The following GREM2 variants were observed in gnomAD, a reference collection of about 807,000 sequenced individuals.
The protein encoded by GREM2 is gremlin 2, DAN family BMP antagonist, also known as gremlin-2.
In GREM2, 11 loss-of-function variants were observed where a neutral mutation model predicts 14.2. The ratio of observed to expected loss-of-function variants is 0.78; its 90% CI spans 0.49 to 1.28. GREM2 has a LOEUF of 1.28. Among genes scored for constraint, GREM2 ranks in the 50% most tolerant of loss-of-function variants. GREM2 has a pLI of 0.00. For synonymous variants in GREM2, 98 were observed against 97.6 expected (o/e 1.00, Z -0.02); for missense variants, 210 against 218.5 (o/e 0.96, Z 0.24).
chr1:240,605,400 G>T (rs188558273), intron 1 of GREM2, among the ~76,000 whole-genome samples: 1 of 152,058 alleles, frequency 6.6e-6, no homozygotes, highest in African/African-American at 2.4e-5. Context: ...TCACTTGAAC[G>T]TGAGAGGTTG....
At chr1:240,572,000 T>C (rs61832603) in intron 1 of GREM2, among the ~76,000 whole-genome samples, 2,020 of 152,212 alleles carry the variant, frequency 0.013, 24 homozygotes, top group Middle Eastern at 0.051. Flanking sequence ...ATTGGCCAAT[T>C]CCAGCAGGGA....
chr1:240,578,974 A>G (rs1679427089), intron 1 of GREM2, among the ~76,000 whole-genome samples: 1 of 152,106 alleles, frequency 6.6e-6, no homozygotes, highest in Non-Finnish European at 1.5e-5. Flanking sequence ...TTGAAAGGAA[A>G]ACACCTTCAC....
At chr1:240,602,624 C>T (rs1679946085) in intron 1 of GREM2, among the ~76,000 whole-genome samples, 1 of 151,956 alleles carries the variant, frequency 6.6e-6, no homozygotes, top group Admixed American at 6.6e-5. Flanking sequence ...CAAGACCATC[C>T]TGGCCAACAT....
chr1:240,574,202 G>A (rs1679313591), intron 1 of GREM2, among the ~76,000 whole-genome samples: 1 of 152,106 alleles, frequency 6.6e-6, no homozygotes, highest in Non-Finnish European at 1.5e-5. Flanking sequence ...TTACAGGAGT[G>A]AGCCACTGCA....
intron 1 of GREM2, among the ~76,000 whole-genome samples, chr1:240,563,030 ATGAGTGTGTATGTGTGTATGTGTATAG>A (rs1336324402): frequency 2.2e-5 from 3 of 137,166 alleles, no homozygotes; most frequent in East Asian, 2.3e-4. Flanking sequence ...ATGTGTGTAT[ATGAGTGTGTATGTGTGTATGTGTATAG>A]TGAGTGTGTA....
intron 1 of GREM2, chr1:240,531,727 T>G: frequency 3.4e-6 from 3 of 876,036 alleles, no homozygotes. Flanking sequence ...TTTTTTTTTT[T>G]GAGACAGTTT....
intron 1 of GREM2, among the ~76,000 whole-genome samples, chr1:240,605,878 T>G (rs547272920): frequency 1.6e-4 from 24 of 152,224 alleles, no homozygotes; most frequent in African/African-American, 5.8e-4. Flanking sequence ...ATTGTTGATT[T>G]AGTATTTTAA....
intron 1 of GREM2, among the ~76,000 whole-genome samples, chr1:240,536,665 CT>C (rs1228457131): frequency 4.3e-5 from 5 of 116,080 alleles, no homozygotes; most frequent in African/African-American, 1.4e-4. Flanking sequence ...TGGAAGCCAT[CT>C]GTAGAGTTTA....
At chr1:240,547,666 G>C (rs1222783296) in intron 1 of GREM2, among the ~76,000 whole-genome samples, 1 of 151,780 alleles carries the variant, frequency 6.6e-6, no homozygotes, top group Non-Finnish European at 1.5e-5. Flanking sequence ...AAGAAACCTG[G>C]ATTTGATCTT....
At chr1:240,604,092 G>T (rs1294386160) in intron 1 of GREM2, among the ~76,000 whole-genome samples, 1 of 151,580 alleles carries the variant, frequency 6.6e-6, no homozygotes, top group African/African-American at 2.4e-5. Flanking sequence ...GGAGGTGCCG[G>T]GCTCTCTTTA....
At position 240,491,949 on chromosome 1, in the gene GREM2, G is replaced by A. The variant is rs1489137630; in HGVS notation, c.*1020C>T. The A allele has an allele frequency of 6.0e-6, 1 of 166,158 alleles. No homozygotes were observed. The highest frequency in any genetic ancestry group is 2.4e-5 in the African/African-American group (1 of 42,020). 10.3% of individuals were successfully genotyped at this position (166,158 alleles called of 1,614,324 possible). ...AAATAGTATTCAAAGTAAAAATCACGACTCCTCCCATCTCCCTGCCCAATC... is the reference window on the plus strand; with the variant it reads ...AAATAGTATTCAAAGTAAAAATCACAACTCCTCCCATCTCCCTGCCCAATC... On this transcript the variant is annotated 3_prime_UTR_variant, in exon 2 of 2. Transcript: ENST00000318160.
chr1:240,503,349 C>A (rs145738226), intron 1 of GREM2, among the ~76,000 whole-genome samples: 1 of 152,300 alleles, frequency 6.6e-6, no homozygotes, highest in Non-Finnish European at 1.5e-5. Flanking sequence ...TGGTTTAGAT[C>A]CTCATCATCT....
intron 1 of GREM2, among the ~76,000 whole-genome samples, chr1:240,558,988 G>T (rs1678995047): frequency 6.6e-6 from 1 of 151,936 alleles, no homozygotes; most frequent in South Asian, 2.1e-4. Flanking sequence ...TGTTATTTTG[G>T]TTGAAGTATA....
At position 240,600,875 on chromosome 1, in the gene GREM2, T is replaced by C. The variant is rs75029881; in HGVS notation, c.-2+11009A>G. On this transcript the variant is annotated intron_variant, in intron 1 of 1. Coordinates refer to ENST00000318160, the MANE Select transcript of GREM2 (RefSeq NM_022469.4). ...CCGTCTTTTGATCTCCTGCTATTTCTAGCTCTGGTTCCATAAATAATTGTT... is the reference window on the plus strand; with the variant it reads ...CCGTCTTTTGATCTCCTGCTATTTCCAGCTCTGGTTCCATAAATAATTGTT... Among the ~76,000 whole-genome samples the C allele has an allele frequency of 2.0e-3, 309 of 152,348 alleles. 4 individuals carry two copies. The East Asian group carries it at 0.033, about 16-fold the overall frequency.
chr1:240,563,192 TGA>T lies in GREM2; in HGVS notation c.-2+48690_-2+48691del, dbSNP rs76451838. ...GTGAGTGTGTGTATGTGTACGTGTGTGAGTGTGTGTAAGTGAGTGTGTGTTTG... is the reference window on the plus strand; with the variant it reads ...GTGAGTGTGTGTATGTGTACGTGTGTGTGTGTGTAAGTGAGTGTGTGTTTG... On this transcript the variant is annotated intron_variant, in intron 1 of 1. Coordinates refer to ENST00000318160, the MANE Select transcript of GREM2 (RefSeq NM_022469.4). Among the ~76,000 whole-genome samples the T allele has an allele frequency of 5.3e-3, 794 of 151,176 alleles. 4 individuals carry two copies. Among genetic ancestry groups the T allele is most frequent in the Middle Eastern group, 0.01 (3 of 292 alleles).
chr1:240,527,873 C>T (rs1406977866), intron 1 of GREM2, among the ~76,000 whole-genome samples: 1 of 152,046 alleles, frequency 6.6e-6, no homozygotes, highest in Non-Finnish European at 1.5e-5. Context: ...TGTAAAATTA[C>T]AAAACAAACA....
chr1:240,532,658 TA>T (rs1558152043), intron 1 of GREM2, among the ~76,000 whole-genome samples: 2 of 133,510 alleles, frequency 1.5e-5, no homozygotes, highest in African/African-American at 8.1e-5. Flanking sequence ...GATAGATAGA[TA>T]GATAGATAGA....
intron 1 of GREM2, among the ~76,000 whole-genome samples, chr1:240,533,547 G>T (rs1383489560): frequency 7.1e-6 from 1 of 140,614 alleles, no homozygotes; most frequent in African/African-American, 2.6e-5. Flanking sequence ...AGTCCCATCA[G>T]AAGCACTGAG....
At chr1:240,538,721 AAAAC>A (rs113236615) in intron 1 of GREM2, among the ~76,000 whole-genome samples, 8 of 152,124 alleles carry the variant, frequency 5.3e-5, no homozygotes, top group African/African-American at 1.2e-4. Context: ...GATACTGTCA[AAAAC>A]AAACAAACAA....
Sources: allele counts gnomAD v4.1 joint callset (sites outside exome capture counted in the v4.1 genomes callset), GRCh38; gene constraint gnomAD v4.1.1; transcripts MANE v1.5; gene names NCBI Gene and HGNC (gene_info 2026-07-23, HGNC 2026-07-21).